The following ARFIP1 variants were observed in gnomAD, a reference collection of about 807,000 sequenced individuals.
ARFIP1 encodes arfaptin-1.
Under a neutral mutation model 42.5 loss-of-function variants are expected in ARFIP1, and 24 were observed. That is an observed-to-expected ratio of 0.57 (90% CI 0.41 to 0.80). The LOEUF (loss-of-function observed/expected upper bound fraction) is 0.80, where lower values mean the gene tolerates loss of function less well. Among genes scored for constraint, ARFIP1 ranks in the 30% least tolerant of loss-of-function variants. The pLI, the probability that ARFIP1 is intolerant of heterozygous loss-of-function variation, is 0.00. For synonymous variants in ARFIP1, 141 were observed against 153.7 expected (o/e 0.92, Z 0.61); for missense variants, 354 against 434.0 (o/e 0.82, Z 1.64).
chr4:152,817,153 A>G (rs1729959844), intron 1 of ARFIP1, among the ~76,000 whole-genome samples: 1 of 152,202 alleles, frequency 6.6e-6, no homozygotes, highest in South Asian at 2.1e-4. Context: ...GTAGAACATA[A>G]TAGCGTAATT....
intron 7 of ARFIP1, among the ~76,000 whole-genome samples, chr4:152,887,028 A>G (rs1451424919): frequency 6.6e-6 from 1 of 151,982 alleles, no homozygotes; most frequent in African/African-American, 2.4e-5. Context: ...CCAGAATAGG[A>G]GATGTGAATT....
At chr4:152,842,330 G>GAAA (rs57030471) in intron 2 of ARFIP1, among the ~76,000 whole-genome samples, 2 of 112,990 alleles carry the variant, frequency 1.8e-5, no homozygotes, top group East Asian at 2.6e-4. Flanking sequence ...TCTTGCAACT[G>GAAA]AAAAAAAAAA....
At chr4:152,783,135 C>T (rs1730601660) in intron 1 of ARFIP1, among the ~76,000 whole-genome samples, 1 of 151,926 alleles carries the variant, frequency 6.6e-6, no homozygotes, top group African/African-American at 2.4e-5. Flanking sequence ...ATGGTGAAAC[C>T]CCATCTCTCC....
At chr4:152,864,350 T>TAA (rs1734140499) in intron 3 of ARFIP1, among the ~76,000 whole-genome samples, 2 of 152,324 alleles carry the variant, frequency 1.3e-5, no homozygotes, top group East Asian at 3.9e-4. Context: ...AGCAATTTGC[T>TAA]AGGAGAATTC....
At chr4:152,783,102 C>G (rs1245893530) in intron 1 of ARFIP1, among the ~76,000 whole-genome samples, 1 of 152,050 alleles carries the variant, frequency 6.6e-6, no homozygotes, top group Non-Finnish European at 1.5e-5. Flanking sequence ...CACTTGATGT[C>G]AGGAGTTCAA....
chr4:152,905,137 C>G (rs1356955600), intron 8 of ARFIP1, among the ~76,000 whole-genome samples: 4 of 152,124 alleles, frequency 2.6e-5, no homozygotes, highest in African/African-American at 9.7e-5. Flanking sequence ...CAGTTTTAAG[C>G]TATTACAAGT....
intron 1 of ARFIP1, among the ~76,000 whole-genome samples, chr4:152,828,199 A>T (rs1730987240): frequency 1.3e-5 from 2 of 152,324 alleles, no homozygotes; most frequent in Admixed American, 6.5e-5. Context: ...GTGGGTAAGT[A>T]AGTTTTCAGT....
intron 2 of ARFIP1, among the ~76,000 whole-genome samples, chr4:152,842,001 G>A (rs935247190): frequency 2.6e-5 from 4 of 152,132 alleles, no homozygotes; most frequent in African/African-American, 4.8e-5. Context: ...TGTTGAGAGC[G>A]GGGACTGAGA....
intron 2 of ARFIP1, among the ~76,000 whole-genome samples, chr4:152,831,314 C>T (rs1197892722): frequency 6.6e-6 from 1 of 152,184 alleles, no homozygotes; most frequent in Non-Finnish European, 1.5e-5. Flanking sequence ...AAATATCTGT[C>T]ATCAGGTAGT....
At chr4:152,888,550 G>A (rs953344764) in intron 8 of ARFIP1, among the ~76,000 whole-genome samples, 3 of 152,172 alleles carry the variant, frequency 2.0e-5, no homozygotes, top group Admixed American at 6.6e-5. Flanking sequence ...TTGATGGACA[G>A]CCATTGATCT....
At chr4:152,864,182 C>G (rs990506950) in intron 3 of ARFIP1, among the ~76,000 whole-genome samples, 22 of 152,182 alleles carry the variant, frequency 1.4e-4, no homozygotes, top group African/African-American at 4.8e-4. Context: ...TCCCTTCTCT[C>G]CATACTTTTG....
chr4:152,815,198 A>G (rs1164782634), intron 1 of ARFIP1, among the ~76,000 whole-genome samples: 1 of 151,750 alleles, frequency 6.6e-6, no homozygotes. Flanking sequence ...TTTAATCTCT[A>G]CAGACTTTCT....
intron 2 of ARFIP1, among the ~76,000 whole-genome samples, chr4:152,844,131 T>C (rs1239520948): frequency 6.6e-6 from 1 of 152,216 alleles, no homozygotes; most frequent in East Asian, 1.9e-4. Context: ...CTTGGCTCTC[T>C]AAACTTGACT....
At chr4:152,797,994 A>G (rs971886716) in intron 1 of ARFIP1, among the ~76,000 whole-genome samples, 2 of 152,218 alleles carry the variant, frequency 1.3e-5, no homozygotes, top group Non-Finnish European at 2.9e-5. Flanking sequence ...GCGGTGGCTC[A>G]TGCCTGTAAT....
chr4:152,834,388 C>A (rs959220532), intron 2 of ARFIP1, among the ~76,000 whole-genome samples: 1 of 152,198 alleles, frequency 6.6e-6, no homozygotes, highest in Admixed American at 6.5e-5. Context: ...TCTAAACTCT[C>A]AACTAGAGAC....
intron 1 of ARFIP1, among the ~76,000 whole-genome samples, chr4:152,805,101 T>C (rs1056472177): frequency 6.6e-6 from 1 of 152,186 alleles, no homozygotes; most frequent in Non-Finnish European, 1.5e-5. Context: ...TAGGGAACTA[T>C]GAAGGTATCA....
chr4:152,866,296 A>G (rs1222904497), intron 3 of ARFIP1, among the ~76,000 whole-genome samples: 1 of 152,146 alleles, frequency 6.6e-6, no homozygotes, highest in Non-Finnish European at 1.5e-5. Flanking sequence ...CAACCATCCA[A>G]TTTCTCAATC....
chr4:152,781,437 G>A (rs1159871253), intron 1 of ARFIP1, among the ~76,000 whole-genome samples: 3 of 151,874 alleles, frequency 2.0e-5, no homozygotes, highest in African/African-American at 4.8e-5. Context: ...GGGTTTCACC[G>A]TGTTGGCCAG....
chr4:152,857,802 ATTAC>A (rs1452328667), intron 2 of ARFIP1, among the ~76,000 whole-genome samples: 37 of 152,174 alleles, frequency 2.4e-4, no homozygotes, highest in Admixed American at 2.4e-3. Context: ...TTACTTGTTT[ATTAC>A]TTAATTACAG....
Sources: allele counts gnomAD v4.1 joint callset (sites outside exome capture counted in the v4.1 genomes callset), GRCh38; gene constraint gnomAD v4.1.1; transcripts MANE v1.5; gene names NCBI Gene and HGNC (gene_info 2026-07-23, HGNC 2026-07-21).